CHL1: variants seen among roughly 807,000 people sequenced by gnomAD.
CHL1 encodes the protein neural cell adhesion molecule L1-like protein.
In CHL1, 96 loss-of-function variants were observed where a neutral mutation model predicts 141.9. The ratio of observed to expected loss-of-function variants is 0.68; its 90% CI spans 0.57 to 0.80. The LOEUF is 0.80. Among genes scored for constraint, CHL1 ranks in the 30% least tolerant of loss-of-function variants. The pLI is 0.00. For synonymous variants in CHL1, 613 were observed against 502.2 expected, an observed-to-expected ratio of 1.22 and a Z score of -2.95; for missense variants, 1,820 against 1,457.2, an observed-to-expected ratio of 1.25 and a Z score of -4.05.
At chr3:274,187 C>T (rs1416779564) in intron 2 of CHL1, among the ~76,000 whole-genome samples, 3 of 152,166 alleles carry the variant, frequency 2.0e-5, no homozygotes, top group Non-Finnish European at 4.4e-5. Flanking sequence ...TATACATCCT[C>T]CCAAATCTCA....
At chr3:296,265 A>G (rs1698178622) in intron 2 of CHL1, among the ~76,000 whole-genome samples, 1 of 152,176 alleles carries the variant, frequency 6.6e-6, no homozygotes, top group African/African-American at 2.4e-5. Flanking sequence ...AGATTTTTAT[A>G]TCGTTCATCG....
At chr3:327,494 A>C (rs977924156) in intron 4 of CHL1, among the ~76,000 whole-genome samples, 2 of 152,016 alleles carry the variant, frequency 1.3e-5, no homozygotes, top group African/African-American at 2.4e-5. Context: ...TTGGTTTATT[A>C]ATCTTATTTC....
intron 23 of CHL1, among the ~76,000 whole-genome samples, chr3:392,993 G>T (rs1708362550): frequency 6.6e-6 from 1 of 152,134 alleles, no homozygotes; most frequent in Admixed American, 6.5e-5. Context: ...GTGTTAAGTG[G>T]GAGGCCGAGG....
Position 246,980 on chromosome 3 carries a change from T to C in CHL1, c.-95+2288T>C, listed in dbSNP as rs1249674577. The C allele has an allele frequency of 3.3e-5, 5 of 152,012 alleles. No homozygotes were observed. In the East Asian group the frequency reaches 9.7e-4, roughly 29 times the overall value. The allele number at this position is 152,012 out of a possible 1,614,324, so 9.4% of individuals were successfully genotyped here. On this transcript the variant is annotated intron_variant, in intron 2 of 27. Transcript: ENST00000256509. ...ATGTGCCGAGACTGCTTGATGGTAC[T>C]TATCTCTACACACTGCATCTCATAC... is the stretch of plus-strand genomic sequence containing the variant.
rs3931062 is a variant in CHL1, at chr3:407,880, G to A, written c.*2169G>A. On this transcript the variant is annotated 3_prime_UTR_variant, in exon 28 of 28. Coordinates refer to ENST00000256509, the MANE Select transcript of CHL1 (RefSeq NM_006614.4). ...CTGCCTGAAAATCAAGATTGCTCCT[G>A]CTCAGATCTTCTGAGTGGCTAAAAC... 148,654 of 152,252 alleles carry A rather than the reference G, an allele frequency of 0.98. 72,672 individuals carry two copies. The highest frequency in any genetic ancestry group is 1 in the East Asian group (5,176 of 5,176). The allele number at this position is 152,252 out of a possible 1,614,324, so 9.4% of individuals were successfully genotyped here.
intron 12 of CHL1, 123 bp downstream of exon 12, chr3:360,547 A>G (rs1433912564): frequency 4.1e-6 from 4 of 977,808 alleles, no homozygotes; most frequent in Non-Finnish European, 4.5e-6. Context: ...ACTACTTTTC[A>G]CCATACATTT....
rs115352987 is a variant in CHL1 at position 373,010 on chromosome 3, C to G, written c.1752-4808C>G. Among the ~76,000 whole-genome samples, 658 of 152,270 alleles carry G rather than the reference C, an allele frequency of 4.3e-3. 9 individuals carry two copies. The highest frequency in any genetic ancestry group is 0.023 in the South Asian group (109 of 4,824). ...GTGGGATCTCAGACCTCAAAGGTCA[C>G]CAACCTGTTGGCAGTAGGATCACTC... On this transcript the variant is annotated intron_variant, in intron 15 of 27. Transcript: ENST00000256509.
rs1349899907 is a variant in CHL1 at position 349,458 on chromosome 3, C to T, written c.948C>T (p.Val316=). The T allele has an allele frequency of 1.1e-5, 17 of 1,613,962 alleles. No homozygotes were observed. The highest frequency in any genetic ancestry group is 5.0e-5 in the Admixed American group (3 of 60,012). The change falls in exon 10 of 28, where the codon GTC becomes GTT. Residue 316 remains valine (V), a synonymous_variant. Coordinates refer to ENST00000256509, the MANE Select transcript of CHL1 (RefSeq NM_006614.4). ...NYGKTLKIEN[V]SYQDKGNYRC... ...GCAAGACTTTGAAGATAGAGAATGTCTCCTACCAGGACAAAGGAAATTATC... is the reference window on the plus strand; with the variant it reads ...GCAAGACTTTGAAGATAGAGAATGTTTCCTACCAGGACAAAGGAAATTATC...
intron 2 of CHL1, among the ~76,000 whole-genome samples, chr3:304,065 G>T (rs1699004209): frequency 6.6e-6 from 1 of 152,118 alleles, no homozygotes; most frequent in Non-Finnish European, 1.5e-5. Flanking sequence ...TTGCATCCCA[G>T]GTACGAAGCC....
chr3:235,183 G>A (rs1226124066), intron 1 of CHL1, among the ~76,000 whole-genome samples: 1 of 151,724 alleles, frequency 6.6e-6, no homozygotes, highest in African/African-American at 2.4e-5. Flanking sequence ...AAATATTTGT[G>A]TCACTAATCT....
At chr3:351,749 T>A (rs116609224) in intron 10 of CHL1, among the ~76,000 whole-genome samples, 410 of 152,220 alleles carry the variant, frequency 2.7e-3, no homozygotes, top group African/African-American at 9.3e-3. Context: ...CATAATATAA[T>A]CAAATACTAT....
At chr3:349,641 C>A in intron 10 of CHL1, 98 bp downstream of exon 10, 1 of 1,031,514 alleles carries the variant, frequency 9.7e-7, no homozygotes, top group Non-Finnish European at 1.4e-6. Context: ...TAAAACAGGT[C>A]AGCAGTTTCA....
chr3:219,570 T>C (rs1006948379), intron 1 of CHL1, among the ~76,000 whole-genome samples: 1 of 152,182 alleles, frequency 6.6e-6, no homozygotes, highest in African/African-American at 2.4e-5. Context: ...CTATTATCCT[T>C]AGCAAACTAA....
At chr3:352,255 A>G (rs1476645287) in intron 10 of CHL1, among the ~76,000 whole-genome samples, 2 of 152,190 alleles carry the variant, frequency 1.3e-5, no homozygotes, top group African/African-American at 4.8e-5. Context: ...GTTGAACCTA[A>G]CAAGTTTTGA....
intron 2 of CHL1, among the ~76,000 whole-genome samples, chr3:278,582 T>G (rs1271355995): frequency 1.3e-5 from 2 of 152,204 alleles, no homozygotes; most frequent in Non-Finnish European, 2.9e-5. Context: ...ATGACTGGCA[T>G]AAAATTAACC....
chr3:363,784 G>C (rs762610079), intron 14 of CHL1: 4 of 158,422 alleles, frequency 2.5e-5, no homozygotes, highest in Non-Finnish European at 5.6e-5. Flanking sequence ...AGGCATGACA[G>C]AATGAGGAGG....
chr3:207,111 C>T (rs1699510622), intron 1 of CHL1, among the ~76,000 whole-genome samples: 1 of 152,148 alleles, frequency 6.6e-6, no homozygotes, highest in African/African-American at 2.4e-5. Flanking sequence ...TCAGGCACAG[C>T]CAATATATTT....
chr3:384,332 G>C (rs1396589413), intron 19 of CHL1: 1 of 152,486 alleles, frequency 6.6e-6, no homozygotes, highest in African/African-American at 2.4e-5. Context: ...GTAATTCTGA[G>C]GATGGTCTTG....
intron 2 of CHL1, among the ~76,000 whole-genome samples, chr3:269,520 T>G (rs1306871144): frequency 6.6e-6 from 1 of 150,722 alleles, no homozygotes; most frequent in Non-Finnish European, 1.5e-5. Flanking sequence ...TAAAAAAGAC[T>G]CTCTCTCTCT....
Sources: gnomAD v4.1 joint callset for allele counts (sites outside exome capture counted in the v4.1 genomes callset) on GRCh38, gnomAD v4.1.1 for gene constraint, MANE v1.5 for transcripts, NCBI Gene and HGNC (gene_info 2026-07-23, HGNC 2026-07-21) for gene names.